Variants in HS6ST3 observed in about 807,000 individuals in gnomAD.
The protein encoded by HS6ST3 is heparan sulfate 6-O-sulfotransferase 3, also known as heparan-sulfate 6-O-sulfotransferase 3.
A neutral mutation model predicts 36.7 loss-of-function variants in HS6ST3; 12 were observed. The ratio of observed to expected loss-of-function variants is 0.33; its 90% confidence interval spans 0.21 to 0.53. The LOEUF is 0.53. Among genes scored for constraint, HS6ST3 ranks in the 20% least tolerant of loss-of-function variants. The probability of loss-of-function intolerance (pLI) is 0.95; values close to 1 mark genes in which losing one functional copy is unlikely to be tolerated. For missense variants in HS6ST3, 584 were observed against 640.9 expected, an observed-to-expected ratio of 0.91 and a Z score of 0.96; for synonymous variants, 240 against 257.5, an observed-to-expected ratio of 0.93 and a Z score of 0.65.
intron 1 of HS6ST3, among the ~76,000 whole-genome samples, chr13:96,565,471 C>A (rs1009769566): frequency 6.6e-6 from 1 of 152,176 alleles, no homozygotes. Context: ...TACTCCATGG[C>A]AGTGACTGGA....
intron 1 of HS6ST3, among the ~76,000 whole-genome samples, chr13:96,352,368 C>T (rs2055187964): frequency 6.6e-6 from 1 of 152,204 alleles, no homozygotes; most frequent in Admixed American, 6.5e-5. Flanking sequence ...GATTCACTTC[C>T]AAGATGGTTC....
chr13:96,516,586 T>A (rs2056073796), intron 1 of HS6ST3, among the ~76,000 whole-genome samples: 1 of 152,194 alleles, frequency 6.6e-6, no homozygotes, highest in South Asian at 2.1e-4. Flanking sequence ...TATTATTTTT[T>A]AAATAAATAT....
At chr13:96,764,923 T>A (rs897032180) in intron 1 of HS6ST3, among the ~76,000 whole-genome samples, 1 of 152,198 alleles carries the variant, frequency 6.6e-6, no homozygotes, top group African/African-American at 2.4e-5. Flanking sequence ...TCTTCTTAAT[T>A]ATCTTGAGTT....
In HS6ST3 at chr13:96,543,159, C is replaced by T. The variant is rs182274580; in HGVS notation, c.708-289331C>T. ...GGAATTTATTTATCTTCCTATCTCC[C>T]GTACAGATTATGGAGGATGCAGCAG... On this transcript the variant is annotated intron_variant, in intron 1 of 1. Transcript: ENST00000376705. Among the ~76,000 whole-genome samples the T allele has an allele frequency of 1.8e-4, 28 of 152,274 alleles. 1 individual carries two copies. The East Asian group carries it at 3.5e-3, about 19-fold the overall frequency.
intron 1 of HS6ST3, among the ~76,000 whole-genome samples, chr13:96,759,804 T>C (rs944432698): frequency 3.9e-5 from 6 of 152,034 alleles, no homozygotes; most frequent in African/African-American, 1.2e-4. Flanking sequence ...AAGATCTGAA[T>C]GCATTTCTAA....
At chr13:96,581,246 G>A (rs1333658504) in intron 1 of HS6ST3, among the ~76,000 whole-genome samples, 1 of 147,696 alleles carries the variant, frequency 6.8e-6, no homozygotes, top group African/African-American at 2.5e-5. Context: ...TTGAGACGGA[G>A]TCTCACTCTG....
chr13:96,641,928 C>G (rs943162039), intron 1 of HS6ST3, among the ~76,000 whole-genome samples: 2 of 151,024 alleles, frequency 1.3e-5, no homozygotes, highest in South Asian at 2.1e-4. Flanking sequence ...TAGCAACAAA[C>G]AAAAAACATT....
At chr13:96,772,905 T>A (rs772442079) in intron 1 of HS6ST3, among the ~76,000 whole-genome samples, 66 of 152,206 alleles carry the variant, frequency 4.3e-4, no homozygotes, top group Middle Eastern at 6.8e-3. Context: ...AGCTCCAGTC[T>A]GCAGCTCCCA....
At chr13:96,302,552 G>C (rs1266318814) in intron 1 of HS6ST3, among the ~76,000 whole-genome samples, 1 of 152,048 alleles carries the variant, frequency 6.6e-6, no homozygotes, top group Non-Finnish European at 1.5e-5. Flanking sequence ...TTGCAAGAAA[G>C]TGCATGTATA....
chr13:96,492,459 T>A (rs74106482), intron 1 of HS6ST3, among the ~76,000 whole-genome samples: 5,841 of 152,330 alleles, frequency 0.038, 353 homozygotes, highest in African/African-American at 0.13. Context: ...GTCCTATAGT[T>A]GGGGGCATAT....
At chr13:96,153,459 C>T (rs774713824) in intron 1 of HS6ST3, among the ~76,000 whole-genome samples, 1 of 152,120 alleles carries the variant, frequency 6.6e-6, no homozygotes. Flanking sequence ...GTCTCTTCCC[C>T]CTCTGAGCCA....
At chr13:96,095,743 G>A (rs1043444151) in intron 1 of HS6ST3, among the ~76,000 whole-genome samples, 7 of 152,064 alleles carry the variant, frequency 4.6e-5, no homozygotes, top group African/African-American at 1.7e-4. Flanking sequence ...GAAATTTTGG[G>A]GAATGACTCT....
chr13:96,656,347 A>C (rs2056624675), intron 1 of HS6ST3, among the ~76,000 whole-genome samples: 2 of 152,184 alleles, frequency 1.3e-5, no homozygotes, highest in African/African-American at 2.4e-5. Context: ...ACAAGATTCC[A>C]GTTATGTCAC....
In HS6ST3 at chr13:96,678,544, G is replaced by A. The variant is rs528871325; in HGVS notation, c.708-153946G>A. Among the ~76,000 whole-genome samples the A allele has an allele frequency of 5.9e-5, 9 of 152,028 alleles. No individual in the cohort carries two copies. The South Asian group carries it at 1.0e-3, about 18-fold the overall frequency. On this transcript the variant is annotated intron_variant, in intron 1 of 1. Coordinates refer to ENST00000376705, the MANE Select transcript of HS6ST3 (RefSeq NM_153456.4). ...AAAAAAATTAGCCAGATATGGTGGCGGGTGCCTGTAATCCCAGCTACTCGG... is the reference window on the plus strand; with the variant it reads ...AAAAAAATTAGCCAGATATGGTGGCAGGTGCCTGTAATCCCAGCTACTCGG...
intron 1 of HS6ST3, among the ~76,000 whole-genome samples, chr13:96,831,976 A>AC (rs1475996062): frequency 4.0e-4 from 59 of 149,124 alleles, no homozygotes; most frequent in African/African-American, 1.4e-3. Flanking sequence ...AAAAAAAAAA[A>AC]AAAACAGAGA....
chr13:96,421,660 GTTCT>G (rs763432677), intron 1 of HS6ST3, among the ~76,000 whole-genome samples: 23 of 150,724 alleles, frequency 1.5e-4, no homozygotes, highest in Non-Finnish European at 3.0e-4. Context: ...CATCTCTGAG[GTTCT>G]TTCTTAGTAA....
intron 1 of HS6ST3, among the ~76,000 whole-genome samples, chr13:96,535,058 T>TA (rs1198055611): frequency 6.6e-6 from 1 of 152,118 alleles, no homozygotes; most frequent in Non-Finnish European, 1.5e-5. Flanking sequence ...AAACCTGACT[T>TA]AGTGGGAACA....
In HS6ST3 at chr13:96,718,032, C is replaced by T. The variant is rs531736641; in HGVS notation, c.708-114458C>T. 2.6e-5 allele frequency among the ~76,000 whole-genome samples: 4 copies of T among 152,286 alleles called. No homozygotes were observed. In the East Asian group the frequency reaches 7.7e-4, roughly 29 times the overall value. ...CAGTCTCCCTGTCTTAGACTTCACT[C>T]CATAATCCTTGACACCTCCCTCTTT... is the stretch of plus-strand genomic sequence containing the variant. On this transcript the variant is annotated intron_variant, in intron 1 of 1. Coordinates refer to ENST00000376705, the MANE Select transcript of HS6ST3 (RefSeq NM_153456.4).
intron 1 of HS6ST3, among the ~76,000 whole-genome samples, chr13:96,141,944 G>A (rs1000848665): frequency 2.0e-5 from 3 of 150,138 alleles, no homozygotes; most frequent in Admixed American, 6.7e-5. Flanking sequence ...CTAAATTCCT[G>A]CTGAAGAAAA....
Sources: allele counts gnomAD v4.1 joint callset (sites outside exome capture counted in the v4.1 genomes callset), GRCh38; gene constraint gnomAD v4.1.1; transcripts MANE v1.5; gene names NCBI Gene and HGNC (gene_info 2026-07-23, HGNC 2026-07-21).